PIK3AP1: variants seen among roughly 807,000 people sequenced by gnomAD.
The protein encoded by PIK3AP1 is phosphoinositide-3-kinase adaptor protein 1, also known as phosphoinositide 3-kinase adapter protein 1.
Under a neutral mutation model 88.1 loss-of-function variants are expected in PIK3AP1, and 21 were observed. The ratio of observed to expected loss-of-function variants is 0.24; its 90% CI spans 0.17 to 0.34. The LOEUF is 0.34. Among genes scored for constraint, PIK3AP1 ranks in the 10% least tolerant of loss-of-function variants. The pLI is 1.00. For synonymous variants in PIK3AP1, 398 were observed against 400.0 expected, an observed-to-expected ratio of 1.00 and a Z score of 0.06; for missense variants, 828 against 1,035.7, an observed-to-expected ratio of 0.80 and a Z score of 2.75.
intron 1 of PIK3AP1, among the ~76,000 whole-genome samples, chr10:96,712,356 A>G (rs72824469): frequency 0.13 from 20,500 of 152,222 alleles, 1,552 homozygotes; most frequent in South Asian, 0.23. Context: ...TGTTCCCTCA[A>G]TTGTGAACAT....
At chr10:96,637,526 A>G (rs1029436526) in intron 8 of PIK3AP1, among the ~76,000 whole-genome samples, 1 of 151,868 alleles carries the variant, frequency 6.6e-6, no homozygotes, top group African/African-American at 2.4e-5. Flanking sequence ...TTTAAAAAAA[A>G]TTTTTTAGAA....
intron 8 of PIK3AP1, chr10:96,633,170 C>A: frequency 7.9e-7 from 1 of 1,258,632 alleles, no homozygotes; most frequent in Non-Finnish European, 1.1e-6. Flanking sequence ...GAATGCTGTC[C>A]CTTTCAAGTA....
chr10:96,700,939 C>G, intron 2 of PIK3AP1: 1 of 338,260 alleles, frequency 3.0e-6, no homozygotes, highest in South Asian at 1.6e-4. Flanking sequence ...GACTACTGTG[C>G]CCATAACAGC....
intron 9 of PIK3AP1, 77 bp from the exon 10 acceptor site, chr10:96,626,982 G>C: frequency 7.2e-7 from 1 of 1,392,268 alleles, no homozygotes; most frequent in Non-Finnish European, 1.0e-6. Context: ...GCAGAGTGAG[G>C]GACCTTACTT....
At chr10:96,634,312 T>C (rs1282164120) in intron 8 of PIK3AP1, among the ~76,000 whole-genome samples, 2 of 152,040 alleles carry the variant, frequency 1.3e-5, no homozygotes, top group Admixed American at 6.5e-5. Context: ...GGAGTAAAGG[T>C]ACGGACAAGG....
At chr10:96,607,123 AAC>A (rs776006802) in intron 14 of PIK3AP1, among the ~76,000 whole-genome samples, 1 of 152,150 alleles carries the variant, frequency 6.6e-6, no homozygotes, top group Non-Finnish European at 1.5e-5. Flanking sequence ...CCATAATAAA[AAC>A]AGTGTTTTTT....
At chr10:96,704,446 G>A (rs1589547878) in intron 2 of PIK3AP1, among the ~76,000 whole-genome samples, 2 of 152,122 alleles carry the variant, frequency 1.3e-5, no homozygotes, top group South Asian at 2.1e-4. Flanking sequence ...GGCTGGGTGC[G>A]GTGGCTCACG....
Position 96,623,588 on chromosome 10 carries a change from C to T in PIK3AP1, c.1670-51G>A, listed in dbSNP as rs759000128. On this transcript the variant is annotated intron_variant, in intron 10 of 16. Transcript: ENST00000339364. The stretch of plus-strand genomic sequence containing the variant: ...ACTGAAAAAGTATCAAAATCCAGTA[C>T]AAAATAATAATAATAATGAATCCAT... 4 of 1,445,478 alleles carry T rather than the reference C, an allele frequency of 2.8e-6. No homozygotes were observed. In the South Asian group the frequency reaches 4.6e-5, roughly 17 times the overall value. 89.5% of individuals were successfully genotyped at this position (1,445,478 alleles called of 1,614,324 possible).
intron 13 of PIK3AP1, among the ~76,000 whole-genome samples, chr10:96,612,980 ATATTTTTTTTTTTTTTTTTTTTTT>A (rs1849149987): frequency 2.7e-5 from 1 of 36,952 alleles, no homozygotes; most frequent in African/African-American, 1.2e-4. Context: ...ATATATATAT[ATATTTTTTTTTTTTTTTTTTTTTT>A]TTTTTTTTTT....
chr10:96,645,678 AGGCCCAC>A lies in PIK3AP1; in HGVS notation c.1186-23_1186-17del. 1 of 1,574,584 alleles carries A rather than the reference AGGCCCAC, an allele frequency of 6.4e-7. No individual in the cohort carries two copies. Among genetic ancestry groups the A allele is most frequent in the Non-Finnish European group, 8.6e-7 (1 of 1,160,596 alleles). ...CCACCGTTTCCTGAAAGAGAAGATG[AGGCCCAC>A]GGCGCCCTGAGGCAGCCTGACTTTC... On this transcript the variant is annotated splice_polypyrimidine_tract_variant and intron_variant, in intron 7 of 16. Transcript: ENST00000339364.
chr10:96,612,239 C>A (rs928059319), intron 13 of PIK3AP1, among the ~76,000 whole-genome samples: 1 of 152,304 alleles, frequency 6.6e-6, no homozygotes, highest in African/African-American at 2.4e-5. Flanking sequence ...TATTGATTAT[C>A]TTCTCTGTGA....
chr10:96,637,314 TCACACACACACACACA>T (rs55885337), intron 8 of PIK3AP1, among the ~76,000 whole-genome samples: 3 of 127,998 alleles, frequency 2.3e-5, no homozygotes, highest in African/African-American at 5.6e-5. Flanking sequence ...AGATATACAA[TCACACACACACACACA>T]CACACACACA....
At chr10:96,716,647 A>T (rs1844505974) in intron 1 of PIK3AP1, among the ~76,000 whole-genome samples, 1 of 152,228 alleles carries the variant, frequency 6.6e-6, no homozygotes, top group Admixed American at 6.5e-5. Flanking sequence ...TCTGCCTTAT[A>T]TGGGGGAAAC....
At chr10:96,716,418 C>A (rs1297722229) in intron 1 of PIK3AP1, among the ~76,000 whole-genome samples, 1 of 152,168 alleles carries the variant, frequency 6.6e-6, no homozygotes, top group Non-Finnish European at 1.5e-5. Flanking sequence ...ACATTACAAC[C>A]TATTTGGTCA....
intron 16 of PIK3AP1, among the ~76,000 whole-genome samples, chr10:96,598,958 T>C (rs1848832519): frequency 6.6e-6 from 1 of 152,320 alleles, no homozygotes; most frequent in South Asian, 2.1e-4. Context: ...ATACACAGAA[T>C]TAAACGTGAA....
At chr10:96,660,672 T>A (rs1034567147) in intron 2 of PIK3AP1, among the ~76,000 whole-genome samples, 3 of 152,160 alleles carry the variant, frequency 2.0e-5, no homozygotes, top group African/African-American at 7.2e-5. Flanking sequence ...CCAAAAAGAA[T>A]TGAAAACTTA....
At position 96,707,315 on chromosome 10, in the gene PIK3AP1, C is replaced by T. The variant is rs550219975; in HGVS notation, c.430+2252G>A. ...TTTTGTTTGTTTGTTTGTTTTGAGACGGAGTCTTGCTCTGTCGCCCAGGCT... is the reference window on the plus strand; with the variant it reads ...TTTTGTTTGTTTGTTTGTTTTGAGATGGAGTCTTGCTCTGTCGCCCAGGCT... On this transcript the variant is annotated intron_variant, in intron 2 of 16. Coordinates refer to ENST00000339364, the MANE Select transcript of PIK3AP1 (RefSeq NM_152309.3). 4.6e-5 allele frequency among the ~76,000 whole-genome samples: 7 copies of T among 152,238 alleles called. No individual in the cohort carries two copies. In the East Asian group the frequency reaches 5.8e-4, roughly 13 times the overall value.
intron 8 of PIK3AP1, among the ~76,000 whole-genome samples, chr10:96,634,137 C>T (rs1843282302): frequency 6.6e-6 from 1 of 152,218 alleles, no homozygotes; most frequent in Non-Finnish European, 1.5e-5. Context: ...TCTTTCACCC[C>T]TGCTGGCACC....
At chr10:96,624,080 G>T (rs1843122948) in intron 10 of PIK3AP1, among the ~76,000 whole-genome samples, 1 of 152,210 alleles carries the variant, frequency 6.6e-6, no homozygotes, top group Non-Finnish European at 1.5e-5. Flanking sequence ...TCTGAAAGAG[G>T]CTCTCTGAGT....
Sources: gnomAD v4.1 joint callset for allele counts (sites outside exome capture counted in the v4.1 genomes callset) on GRCh38, gnomAD v4.1.1 for gene constraint, MANE v1.5 for transcripts, NCBI Gene and HGNC (gene_info 2026-07-23, HGNC 2026-07-21) for gene names.